Variants in MBD5 observed in about 807,000 individuals in gnomAD.
MBD5 encodes the protein methyl-CpG-binding domain protein 5.
Under a neutral mutation model 117.3 loss-of-function variants are expected in MBD5, and 13 were observed. The ratio of observed to expected loss-of-function variants is 0.11; its 90% CI spans 0.07 to 0.18. The LOEUF is 0.18. Ranked by LOEUF, MBD5 falls within the 10% of genes least tolerant of loss-of-function variation. MBD5 has a pLI of 1.00. For synonymous variants in MBD5, 727 were observed against 766.4 expected, an observed-to-expected ratio of 0.95 and a Z score of 0.85; for missense variants, 1,879 against 2,093.8, an observed-to-expected ratio of 0.90 and a Z score of 2.00.
chr2:148,500,895 T>G (rs1461423473), intron 11 of MBD5, among the ~76,000 whole-genome samples: 2 of 152,204 alleles, frequency 1.3e-5, no homozygotes, highest in African/African-American at 2.4e-5. Flanking sequence ...AATATGAAAG[T>G]GCTTCCAGGC....
At chr2:148,315,676 T>G (rs893006144) in intron 3 of MBD5, among the ~76,000 whole-genome samples, 8 of 152,194 alleles carry the variant, frequency 5.3e-5, no homozygotes, top group African/African-American at 1.9e-4. Flanking sequence ...ATTAATCCTC[T>G]GATAAATCCA....
At chr2:148,036,765 G>T (rs528232304) in intron 1 of MBD5, among the ~76,000 whole-genome samples, 2 of 152,074 alleles carry the variant, frequency 1.3e-5, no homozygotes, top group South Asian at 4.1e-4. Flanking sequence ...GAATAAATTA[G>T]TGAGCAATGA....
At chr2:148,152,260 T>A (rs574744999) in intron 1 of MBD5, among the ~76,000 whole-genome samples, 1 of 152,328 alleles carries the variant, frequency 6.6e-6, no homozygotes, top group East Asian at 1.9e-4. Context: ...TTGAGTGAGA[T>A]TCTTAATCCT....
chr2:148,102,700 TC>T (rs1696252729), intron 1 of MBD5, among the ~76,000 whole-genome samples: 1 of 131,826 alleles, frequency 7.6e-6, no homozygotes, highest in African/African-American at 3.0e-5. Context: ...GAGAGAGAGA[TC>T]ACACACACAC....
intron 3 of MBD5, among the ~76,000 whole-genome samples, chr2:148,300,110 A>T (rs1701746533): frequency 6.6e-6 from 1 of 151,934 alleles, no homozygotes; most frequent in African/African-American, 2.4e-5. Flanking sequence ...GCTGGAGTGC[A>T]GTGGCACGAT....
At chr2:148,161,765 A>G (rs1277074684) in intron 1 of MBD5, among the ~76,000 whole-genome samples, 1 of 152,142 alleles carries the variant, frequency 6.6e-6, no homozygotes, top group African/African-American at 2.4e-5. Flanking sequence ...GAATTTTTCT[A>G]TGTCTTCTAG....
intron 3 of MBD5, chr2:148,296,578 C>A: frequency 5.8e-6 from 1 of 173,720 alleles, no homozygotes; most frequent in Non-Finnish European, 1.2e-5. Context: ...AATTGACTAA[C>A]CCAAAATAGT....
chr2:148,459,593 T>A (rs1172518675), intron 5 of MBD5, among the ~76,000 whole-genome samples: 4 of 152,198 alleles, frequency 2.6e-5, no homozygotes, highest in Non-Finnish European at 5.9e-5. Flanking sequence ...AAATCTTTCT[T>A]GTGATGTAAT....
intron 4 of MBD5, among the ~76,000 whole-genome samples, chr2:148,442,828 C>T (rs978268110): frequency 2.0e-5 from 3 of 151,220 alleles, no homozygotes; most frequent in Non-Finnish European, 4.4e-5. Context: ...CTCTGCAGGA[C>T]ATTGGAGTGG....
At chr2:148,300,151 T>C (rs1294557999) in intron 3 of MBD5, among the ~76,000 whole-genome samples, 1 of 152,060 alleles carries the variant, frequency 6.6e-6, no homozygotes, top group Non-Finnish European at 1.5e-5. Context: ...GCCTCCCAGG[T>C]TCGAGCAATT....
chr2:148,369,795 TTTATG>T lies in MBD5; in HGVS notation c.-557+27464_-557+27468del, dbSNP rs1703802598. ...ATCTGCCTCCCTCAAGAAAAGATAG[TTTATG>T]TTATATTTGTGAGCCATGTTAAATT... is the stretch of plus-strand genomic sequence containing the variant. On this transcript the variant is annotated intron_variant, in intron 4 of 13. Coordinates refer to ENST00000642680, the MANE Select transcript of MBD5 (RefSeq NM_001378120.1). Among the ~76,000 whole-genome samples the T allele has an allele frequency of 1.3e-5, 2 of 152,134 alleles. 1 individual carries two copies. Among genetic ancestry groups the T allele is most frequent in the South Asian group, 4.1e-4 (2 of 4,826 alleles).
At chr2:148,198,367 T>C (rs1465148713) in intron 2 of MBD5, among the ~76,000 whole-genome samples, 6 of 152,210 alleles carry the variant, frequency 3.9e-5, no homozygotes, top group African/African-American at 1.4e-4. Flanking sequence ...AATGTCTCTG[T>C]GCATTGGCTT....
intron 4 of MBD5, among the ~76,000 whole-genome samples, chr2:148,383,139 A>T (rs1020086597): frequency 2.6e-5 from 4 of 152,112 alleles, no homozygotes; most frequent in African/African-American, 9.7e-5. Flanking sequence ...GACACAAAAA[A>T]CCCTTCAAAA....
rs187895458 is a variant in MBD5, at chr2:148,123,631, A to G, written c.-924-55069A>G. Among the ~76,000 whole-genome samples the G allele has an allele frequency of 9.2e-5, 14 of 152,330 alleles. No homozygotes were observed. The East Asian group carries it at 2.7e-3, about 29-fold the overall frequency. On this transcript the variant is annotated intron_variant, in intron 1 of 13. Coordinates refer to ENST00000642680, the MANE Select transcript of MBD5 (RefSeq NM_001378120.1). ...ATGTGATATCTGCCTAGAAATGTTC[A>G]CCAGACAACTGGAAATTTACCTCTA...
chr2:148,080,832 A>T (rs1377953154), intron 1 of MBD5, among the ~76,000 whole-genome samples: 1 of 152,208 alleles, frequency 6.6e-6, no homozygotes, highest in African/African-American at 2.4e-5. Context: ...AAGCAAATGT[A>T]TGGAAATTCT....
At chr2:148,509,779 T>C (rs1682160646) in intron 12 of MBD5, among the ~76,000 whole-genome samples, 1 of 152,188 alleles carries the variant, frequency 6.6e-6, no homozygotes, top group Admixed American at 6.5e-5. Flanking sequence ...CCCAACTTTC[T>C]TCCCAAATCA....
intron 3 of MBD5, among the ~76,000 whole-genome samples, chr2:148,294,506 T>TTTTTTTTTGTTTTGTTTTTTTTGTTTTG (rs1397412173): frequency 2.3e-5 from 3 of 130,642 alleles, no homozygotes; most frequent in Non-Finnish European, 3.2e-5. Context: ...TTACAGTTTT[T>TTTTTTTTTGTTTTGTTTTTTTTGTTTTG]TTTTTTTTTT....
At chr2:148,503,607 T>G (rs1681937068) in intron 12 of MBD5, among the ~76,000 whole-genome samples, 1 of 152,230 alleles carries the variant, frequency 6.6e-6, no homozygotes, top group South Asian at 2.1e-4. Context: ...AGATGACAGC[T>G]GCAAGGGGCA....
chr2:148,070,069 T>A (rs1047252207), intron 1 of MBD5, among the ~76,000 whole-genome samples: 18 of 152,148 alleles, frequency 1.2e-4, no homozygotes, highest in African/African-American at 1.7e-4. Flanking sequence ...TAAGGCCCAT[T>A]TACCAGCCTC....
Sources: allele counts gnomAD v4.1 joint callset (sites outside exome capture counted in the v4.1 genomes callset), GRCh38; gene constraint gnomAD v4.1.1; transcripts MANE v1.5; gene names NCBI Gene and HGNC (gene_info 2026-07-23, HGNC 2026-07-21).